The following CYP4F12 variants were observed in gnomAD, a reference collection of about 807,000 sequenced individuals.
CYP4F12 encodes cytochrome P450 4F12.
In CYP4F12, 60 loss-of-function variants were observed where a neutral mutation model predicts 56.5. That is an observed-to-expected ratio of 1.06 (90% confidence interval 0.86 to 1.32). The LOEUF is 1.32. CYP4F12 is among the 40% of genes most tolerant of loss of function. The pLI is 0.00. For synonymous variants in CYP4F12, 263 were observed against 264.9 expected, an observed-to-expected ratio of 0.99 and a Z score of 0.07; for missense variants, 711 against 683.5, an observed-to-expected ratio of 1.04 and a Z score of -0.45.
chr19:15,678,757 T>C (rs944875065), intron 3 of CYP4F12, among the ~76,000 whole-genome samples: 2 of 151,548 alleles, frequency 1.3e-5, no homozygotes, highest in Non-Finnish European at 2.9e-5. Context: ...GGAGGAAGAG[T>C]TGTTGGAGCT....
At chr19:15,696,105 A>G (rs1478262914) in intron 10 of CYP4F12, 36 bp downstream of exon 10, 1 of 1,610,760 alleles carries the variant, frequency 6.2e-7, no homozygotes, top group East Asian at 2.2e-5. Context: ...CCTCCCGGGT[A>G]GGAAGATGGT....
chr19:15,683,808 C>G, intron 7 of CYP4F12, 45 bp downstream of exon 7: 1 of 1,491,398 alleles, frequency 6.7e-7, no homozygotes, highest in Non-Finnish European at 8.9e-7. Flanking sequence ...AATAGAGCTT[C>G]ATGTCAAATG....
Position 15,685,182 on chromosome 19 carries a change from C to T in CYP4F12, c.1100C>T (p.Pro367Leu). The T allele has an allele frequency of 1.2e-6, 2 of 1,614,006 alleles. No individual in the cohort carries two copies. The highest frequency in any genetic ancestry group is 1.7e-6 in the Non-Finnish European group (2 of 1,179,936). ...EVQELLKDRD[P>L]KEIEWDDLAQ... is the part of the protein sequence containing the mutation. ...CAAGAGCTTCTGAAGGACCGCGATC[C>T]TAAAGAGATTGAATGGTGAGTGCAA... is the stretch of plus-strand genomic sequence containing the variant. The change falls in exon 9 of 13, where the codon CCT becomes CTT. Residue 367 changes from proline (P) to leucine (L), a missense_variant. Coordinates refer to ENST00000550308, the MANE Select transcript of CYP4F12 (RefSeq NM_023944.4).
At chr19:15,680,721 GGT>G (rs2007251544) in intron 5 of CYP4F12, 1 of 666,784 alleles carries the variant, frequency 1.5e-6, no homozygotes, top group African/African-American at 1.8e-5. Flanking sequence ...GTTCTCAGAA[GGT>G]GTCAGTTTCT....
At chr19:15,687,097 G>A (rs1360428767) in intron 9 of CYP4F12, among the ~76,000 whole-genome samples, 2 of 152,136 alleles carry the variant, frequency 1.3e-5, no homozygotes, top group African/African-American at 4.8e-5. Flanking sequence ...CTAACACGGT[G>A]AAACCCCGTC....
rs573565787 is a variant in CYP4F12, at chr19:15,680,469, A to T, written c.475A>T (p.Ile159Phe). The T allele has an allele frequency of 4.9e-5, 79 of 1,614,174 alleles. No homozygotes were observed. The South Asian group carries it at 8.5e-4, about 17-fold the overall frequency. ...GCTGACGCCCGCCTTCCATTTCAACATCCTGAAGTCCTATATAACGATCTT... is the reference window on the plus strand; with the variant it reads ...GCTGACGCCCGCCTTCCATTTCAACTTCCTGAAGTCCTATATAACGATCTT... ...RMLTPAFHFN[I>F]LKSYITIFNK... The change falls in exon 5 of 13, where the codon ATC (isoleucine) becomes TTC (phenylalanine). Residue 159 changes from isoleucine (I) to phenylalanine (F), a missense_variant. Coordinates refer to ENST00000550308, the MANE Select transcript of CYP4F12 (RefSeq NM_023944.4).
In CYP4F12 at chr19:15,685,136, G is replaced by C; in HGVS notation, c.1054G>C (p.Glu352Gln). The change falls in exon 9 of 13, where the codon GAG (glutamate) becomes CAG (glutamine). Residue 352 changes from glutamate to glutamine, a missense_variant. Coordinates refer to ENST00000550308, the MANE Select transcript of CYP4F12 (RefSeq NM_023944.4). ...CCTTGCGAGGCACCCAGAATACCAGGAGCGCTGCCGACAGGAGGTGCAAGA... is the reference window on the plus strand; with the variant it reads ...CCTTGCGAGGCACCCAGAATACCAGCAGCGCTGCCGACAGGAGGTGCAAGA... The part of the protein sequence containing the change: ...YNLARHPEYQ[E>Q]RCRQEVQELL... 1 of 1,614,204 alleles carries C rather than the reference G, an allele frequency of 6.2e-7. No homozygotes were observed. Among genetic ancestry groups the C allele is most frequent in the Non-Finnish European group, 8.5e-7 (1 of 1,180,024 alleles).
At chr19:15,673,497 G>A in intron 1 of CYP4F12, 32 bp from the exon 2 acceptor site, 1 of 1,608,556 alleles carries the variant, frequency 6.2e-7, no homozygotes, top group Non-Finnish European at 8.5e-7. Context: ...CTGGGCCTCA[G>A]GTCCTCACCC....
chr19:15,678,124 C>T, intron 2 of CYP4F12, 137 bp from the exon 3 acceptor site: 1 of 1,137,228 alleles, frequency 8.8e-7, no homozygotes, highest in East Asian at 2.4e-5. Context: ...CCTTCAAATG[C>T]TAATCTCTTC....
chr19:15,684,116 A>G (rs2007470075), intron 7 of CYP4F12: 1 of 168,138 alleles, frequency 5.9e-6, no homozygotes, highest in African/African-American at 2.4e-5. Context: ...TACAGCAGTA[A>G]CAGCAGGTGG....
intron 2 of CYP4F12, among the ~76,000 whole-genome samples, chr19:15,677,212 T>C (rs373538624): frequency 9.8e-5 from 10 of 102,050 alleles, no homozygotes; most frequent in African/African-American, 1.9e-4. Context: ...TCTCCTCACT[T>C]ACTCATTCCT....
At chr19:15,690,225 T>C (rs559370568) in intron 9 of CYP4F12, among the ~76,000 whole-genome samples, 1 of 152,336 alleles carries the variant, frequency 6.6e-6, no homozygotes, top group East Asian at 1.9e-4. Context: ...CAAATTTTAA[T>C]TATATATGTT....
intron 11 of CYP4F12, 28 bp downstream of exon 11, chr19:15,696,253 A>G: frequency 6.2e-7 from 1 of 1,612,184 alleles, no homozygotes; most frequent in Non-Finnish European, 8.5e-7. Context: ...CACCACCACC[A>G]CCCCCATCCT....
chr19:15,688,025 C>G (rs937969909), intron 9 of CYP4F12, among the ~76,000 whole-genome samples: 6 of 152,172 alleles, frequency 3.9e-5, no homozygotes, highest in Non-Finnish European at 8.8e-5. Flanking sequence ...AGTTCAGAAG[C>G]TGGGTGCCTG....
At chr19:15,686,945 T>C (rs2007636533) in intron 9 of CYP4F12, among the ~76,000 whole-genome samples, 1 of 151,404 alleles carries the variant, frequency 6.6e-6, no homozygotes. Flanking sequence ...AACCAAGATA[T>C]CAAGTAATAC....
chr19:15,687,291 A>C (rs12973361), intron 9 of CYP4F12, among the ~76,000 whole-genome samples: 42,159 of 148,200 alleles, frequency 0.28, 6,810 homozygotes, highest in East Asian at 0.7. Flanking sequence ...AAAAAAAAAA[A>C]AGAGCTTCCT....
At chr19:15,684,923 C>A in intron 8 of CYP4F12, 41 bp downstream of exon 8, 3 of 1,572,786 alleles carry the variant, frequency 1.9e-6, no homozygotes, top group Non-Finnish European at 2.6e-6. Flanking sequence ...GACAGAGGTC[C>A]CTCCATCTCA....
At position 15,685,077 on chromosome 19, in the gene CYP4F12, C is replaced by T; in HGVS notation, c.995C>T (p.Thr332Ile). Residue 332 changes from threonine (T) to isoleucine (I), a missense_variant, in exon 9 of 13, where the codon ACC (threonine) becomes ATC (isoleucine). By Grantham distance (89) the Thr-to-Ile change is moderately conservative. Coordinates refer to ENST00000550308, the MANE Select transcript of CYP4F12 (RefSeq NM_023944.4). ...CCTGGCTGCTCCTCAGGCCATGACA[C>T]CACGGCCAGTGGCCTCTCCTGGGTC... ...ADTFMFGGHD[T>I]TASGLSWVLY... The T allele has an allele frequency of 1.2e-6, 2 of 1,613,892 alleles. No homozygotes were observed. The highest frequency in any genetic ancestry group is 1.7e-6 in the Non-Finnish European group (2 of 1,179,880).
At chr19:15,690,040 A>G (rs1352787807) in intron 9 of CYP4F12, among the ~76,000 whole-genome samples, 1 of 152,200 alleles carries the variant, frequency 6.6e-6, no homozygotes, top group African/African-American at 2.4e-5. Context: ...AAAACCTCAG[A>G]ATTCACCACT....
Sources: allele counts gnomAD v4.1 joint callset (sites outside exome capture counted in the v4.1 genomes callset), GRCh38; gene constraint gnomAD v4.1.1; transcripts MANE v1.5; gene names NCBI Gene and HGNC (gene_info 2026-07-23, HGNC 2026-07-21).